The following IGFN1 variants were observed in gnomAD, a reference collection of about 807,000 sequenced individuals.
The protein encoded by IGFN1 is immunoglobulin-like and fibronectin type III domain-containing protein 1.
IGFN1 carries 253 observed loss-of-function variants against 289.5 expected under a neutral mutation model. That is an observed-to-expected ratio of 0.87 (90% confidence interval 0.79 to 0.97). IGFN1 has a LOEUF of 0.97. Among genes scored for constraint, IGFN1 ranks in the 50% least tolerant of loss-of-function variants. The probability of loss-of-function intolerance (pLI) is 0.00; values close to 1 mark genes in which losing one functional copy is unlikely to be tolerated. For missense variants in IGFN1, 4,470 were observed against 4,686.1 expected (o/e 0.95, Z 1.35); for synonymous variants, 1,706 against 1,788.5 (o/e 0.95, Z 1.16).
At position 201,211,675 on chromosome 1, in the gene IGFN1, G is replaced by T. The variant is rs541034562; in HGVS notation, c.6782G>T (p.Gly2261Val). The change falls in exon 12 of 24, where the codon GGT becomes GTT. Residue 2261 changes from glycine (G) to valine (V), a missense_variant. By Grantham distance (109) the Gly-to-Val change is moderately radical (BLOSUM62 -3). Coordinates refer to ENST00000335211, the MANE Select transcript of IGFN1 (RefSeq NM_001164586.2). Reference sequence around the variant, plus strand: ...GATTTGGGAGCTCCTGAGGAAATGGGTTCAGGCAGTTACACAGATTACAGG... The same window carrying T: ...GATTTGGGAGCTCCTGAGGAAATGGTTTCAGGCAGTTACACAGATTACAGG... The part of the protein sequence containing the change: ...RKDLGAPEEM[G>V]SGSYTDYRNG... 2.6e-6 allele frequency: 4 copies of T among 1,537,046 alleles called. No homozygotes were observed. Among genetic ancestry groups the T allele is most frequent in the Non-Finnish European group, 3.5e-6 (4 of 1,146,818 alleles).
rs1334211036 is a variant in IGFN1 at position 201,209,449 on chromosome 1, C to T, written c.4556C>T (p.Ser1519Phe). Residue 1519 changes from serine to phenylalanine, a missense_variant, in exon 12 of 24, where the codon TCT (serine) becomes TTT (phenylalanine). Transcript: ENST00000335211. ...SKAGYRGGLG[S>F]GEMGSVDKAG... ...GCAGGTTATAGGGGTGGCTTAGGTT[C>T]TGGGGAAATGGGGTCTGTGGATAAG... 1.3e-6 allele frequency: 2 copies of T among 1,531,706 alleles called. No individual in the cohort carries two copies. The highest frequency in any genetic ancestry group is 1.7e-6 in the Non-Finnish European group (2 of 1,145,452). The allele number at this position is 1,531,706 out of a possible 1,614,324, so 94.9% of individuals were successfully genotyped here.
rs1653752979 is a variant in IGFN1, at chr1:201,221,741, T to G, written c.10196T>G (p.Val3399Gly). The change falls in exon 19 of 24, where the codon GTT becomes GGT. Residue 3399 changes from valine to glycine, a missense_variant. Val to Gly is a moderately radical substitution (Grantham distance 109). Around this residue, in one of 8 missense-constraint regions of IGFN1, gnomAD observed 2,218 missense variants for 2,114.1 expected, o/e 1.05. Coordinates refer to ENST00000335211, the MANE Select transcript of IGFN1 (RefSeq NM_001164586.2). ...ALDTLVQAMP[V>G]TVCPKFLVDS... The stretch of plus-strand genomic sequence containing the variant: ...GACACATTAGTGCAAGCCATGCCTG[T>G]TACTGGTGAGTGCTGCCTCCTTCCC... 1 of 1,584,044 alleles carries G rather than the reference T, an allele frequency of 6.3e-7. No individual in the cohort carries two copies. The highest frequency in any genetic ancestry group is 8.6e-7 in the Non-Finnish European group (1 of 1,162,358).
chr1:201,195,333 A>G (rs1157346597), intron 3 of IGFN1, among the ~76,000 whole-genome samples: 1 of 151,800 alleles, frequency 6.6e-6, no homozygotes, highest in African/African-American at 2.4e-5. Flanking sequence ...TGTATTTTTA[A>G]TAGAGATGGG....
rs374520776 is a variant in IGFN1, at chr1:201,219,723, A to C, written c.9898+1065A>C. On this transcript the variant is annotated intron_variant, in intron 18 of 23. Transcript: ENST00000335211. ...TGCCCCACAGGGCCCAGCCCACTGC[A>C]GGTGTTCAGGCTGTTTGAATGAACC... Among the ~76,000 whole-genome samples, 8 of 152,354 alleles carry C rather than the reference A, an allele frequency of 5.3e-5. No individual in the cohort carries two copies. In the East Asian group the frequency reaches 1.5e-3, roughly 29 times the overall value.
Position 201,211,831 on chromosome 1 carries a change from A to G in IGFN1, c.6938A>G (p.Tyr2313Cys). The G allele has an allele frequency of 6.5e-7, 1 of 1,536,500 alleles. No individual in the cohort carries two copies. The highest frequency in any genetic ancestry group is 8.7e-7 in the Non-Finnish European group (1 of 1,146,574). The change falls in exon 12 of 24, where the codon TAC becomes TGC. Residue 2313 changes from tyrosine to cysteine, a missense_variant. By Grantham distance (194) the Tyr-to-Cys change is radical. Transcript: ENST00000335211. ...AGGGGTAGTTTGGAGGATTCTGGGT[A>G]CATTTTGTCATGGAATGAGGCAGGT... ...GSRGSLEDSGYILSWNEAGSR... is the reference protein window; with the variant it reads ...GSRGSLEDSGCILSWNEAGSR...
intron 13 of IGFN1, 58 bp downstream of exon 13, chr1:201,214,359 G>A: frequency 1.3e-6 from 2 of 1,524,996 alleles, no homozygotes; most frequent in African/African-American, 1.4e-5. Context: ...GTAAAGCAGA[G>A]AGGGGCAAGA....
intron 9 of IGFN1, 118 bp downstream of exon 9, chr1:201,201,950 T>C: frequency 1.6e-6 from 1 of 643,932 alleles, no homozygotes; most frequent in South Asian, 1.8e-5. Flanking sequence ...ACACAAGTGG[T>C]GAGCCCCTCA....
At position 201,228,488 on chromosome 1, in the gene IGFN1, G is replaced by T. The variant is rs1654261800; in HGVS notation, c.*89G>T. 1 of 1,384,092 alleles carries T rather than the reference G, an allele frequency of 7.2e-7. No homozygotes were observed. Among genetic ancestry groups the T allele is most frequent in the Non-Finnish European group, 1.0e-6 (1 of 970,352 alleles). The allele number at this position is 1,384,092 out of a possible 1,614,324, so 85.7% of individuals were successfully genotyped here. ...CGGGAAGCCAATCCCAAGGATGGAG[G>T]CTGTGCCCAGAGCCCCAGGAAAATG... On this transcript the variant is annotated 3_prime_UTR_variant, in exon 24 of 24. Coordinates refer to ENST00000335211, the MANE Select transcript of IGFN1 (RefSeq NM_001164586.2).
At position 201,212,496 on chromosome 1, in the gene IGFN1, G is replaced by A. The variant is rs1320815598; in HGVS notation, c.7603G>A (p.Glu2535Lys). The change falls in exon 12 of 24, where the codon GAA (glutamate) becomes AAA (lysine). Residue 2535 changes from glutamate to lysine, a missense_variant. Glu to Lys is a moderately conservative substitution (Grantham distance 56). Around this residue, in one of 8 missense-constraint regions of IGFN1, gnomAD observed 2,218 missense variants for 2,114.1 expected, o/e 1.05. Coordinates refer to ENST00000335211, the MANE Select transcript of IGFN1 (RefSeq NM_001164586.2). ...GTTTCTTGATGGCAAGGGGGCAGTG[G>A]AAGGTGAGACCTGGGCAGGAATGGC... ...SGFLDGKGAVEGETWAGMAAL... is the reference protein window; with the variant it reads ...SGFLDGKGAVKGETWAGMAAL... 1.3e-6 allele frequency: 2 copies of A among 1,542,878 alleles called. No homozygotes were observed. Among genetic ancestry groups the A allele is most frequent in the Non-Finnish European group, 8.7e-7 (1 of 1,146,852 alleles).
intron 3 of IGFN1, 145 bp from the exon 4 acceptor site, chr1:201,195,694 A>G: frequency 3.6e-6 from 3 of 842,062 alleles, no homozygotes; most frequent in Non-Finnish European, 5.3e-6. Context: ...GTCCTGAGTC[A>G]AGGGGACCAA....
At chr1:201,226,240 G>A in intron 22 of IGFN1, 117 bp downstream of exon 22, 1 of 1,193,366 alleles carries the variant, frequency 8.4e-7, no homozygotes, top group Non-Finnish European at 1.1e-6. Context: ...GGATGGCCTG[G>A]AGCATGCCAA....
intron 9 of IGFN1, among the ~76,000 whole-genome samples, chr1:201,202,087 C>A (rs1312998603): frequency 6.6e-6 from 1 of 152,128 alleles, no homozygotes; most frequent in East Asian, 1.9e-4. Context: ...TAAATTGTGT[C>A]TAACACCAGA....
chr1:201,221,746 G>A lies in IGFN1; in HGVS notation c.10201G>A (p.Val3401Ile), dbSNP rs1653753650. 8 of 1,578,246 alleles carry A rather than the reference G, an allele frequency of 5.1e-6. No individual in the cohort carries two copies. The highest frequency in any genetic ancestry group is 6.9e-6 in the Non-Finnish European group (8 of 1,159,270). The change falls in exon 19 of 24, where the codon GTC becomes ATC. Residue 3401 changes from valine to isoleucine, a missense_variant and splice_region_variant. By Grantham distance (29) the Val-to-Ile change is conservative (BLOSUM62 3). Around this residue, in one of 8 missense-constraint regions of IGFN1, gnomAD observed 2,218 missense variants for 2,114.1 expected, o/e 1.05. Coordinates refer to ENST00000335211, the MANE Select transcript of IGFN1 (RefSeq NM_001164586.2). ...DTLVQAMPVTVCPKFLVDSST... is the reference protein window; with the variant it reads ...DTLVQAMPVTICPKFLVDSST... ...ATTAGTGCAAGCCATGCCTGTTACTGGTGAGTGCTGCCTCCTTCCCCGACC... is the reference window on the plus strand; with the variant it reads ...ATTAGTGCAAGCCATGCCTGTTACTAGTGAGTGCTGCCTCCTTCCCCGACC...
In IGFN1 at chr1:201,211,344, G is replaced by T. The variant is rs779889245; in HGVS notation, c.6451G>T (p.Gly2151Ter). 4.0e-6 allele frequency: 6 copies of T among 1,491,474 alleles called. No homozygotes were observed. Among genetic ancestry groups the T allele is most frequent in the South Asian group, 2.5e-5 (2 of 80,530 alleles). 92.4% of individuals were successfully genotyped at this position (1,491,474 alleles called of 1,614,324 possible). A position where few individuals can be genotyped will look rare whatever the true frequency, so the allele number is the denominator to read the frequency against. ...GYRKDLGAPK[G>*]MGSESKAGFR... ...TAGGAAGGATTTGGGGGCTCCTAAGGGAATGGGTTCAGAGAGTAAGGCAGG... is the reference window on the plus strand; with the variant it reads ...TAGGAAGGATTTGGGGGCTCCTAAGTGAATGGGTTCAGAGAGTAAGGCAGG... The change falls in exon 12 of 24, where the codon GGA (glycine) becomes TGA (stop). Residue 2151 changes from glycine to a stop codon, truncating the protein, a stop_gained. Coordinates refer to ENST00000335211, the MANE Select transcript of IGFN1 (RefSeq NM_001164586.2). LOFTEE classifies it high-confidence loss of function.
chr1:201,199,040 G>T (rs6686078), intron 5 of IGFN1, among the ~76,000 whole-genome samples: 1 of 152,060 alleles, frequency 6.6e-6, no homozygotes, highest in Non-Finnish European at 1.5e-5. Context: ...TCTGCTTCAC[G>T]CATTTATGCC....
At chr1:201,205,542 CTACTGGGTCTCTTGGAAT>C (rs1426631807) in intron 11 of IGFN1, among the ~76,000 whole-genome samples, 188 bp downstream of exon 11, 1 of 152,196 alleles carries the variant, frequency 6.6e-6, no homozygotes, top group African/African-American at 2.4e-5. Flanking sequence ...TGTGCCTGCT[CTACTGGGTCTCTTGGAAT>C]TACTTTGGGG....
intron 23 of IGFN1, 145 bp from the exon 24 acceptor site, chr1:201,228,241 A>G: frequency 1.2e-6 from 1 of 824,796 alleles, no homozygotes; most frequent in South Asian, 1.5e-5. Context: ...CTTAGAGAGC[A>G]CGTGGTGGCT....
At chr1:201,196,110 C>T (rs947163864) in intron 4 of IGFN1, 132 bp downstream of exon 4, 9 of 917,740 alleles carry the variant, frequency 9.8e-6, no homozygotes, top group Non-Finnish European at 1.4e-5. Context: ...CATTCAACTC[C>T]ATCTCGTGAC....
rs953919023 is a variant in IGFN1, at chr1:201,217,447, C to A, written c.9756C>A (p.Asp3252Glu). 9.9e-6 allele frequency: 16 copies of A among 1,614,016 alleles called. No individual in the cohort carries two copies. Among genetic ancestry groups the A allele is most frequent in the African/African-American group, 6.7e-5 (5 of 74,936 alleles). ...KGSNTWTAVN[D>E]QPVPERRWTV... The stretch of plus-strand genomic sequence containing the variant: ...GCAACACCTGGACGGCAGTGAACGA[C>A]CAGCCGGTGCCTGGTGAGCATTGTC... Residue 3252 changes from aspartate to glutamate, a missense_variant, in exon 17 of 24, where the codon GAC becomes GAA. Asp to Glu is a conservative substitution (Grantham distance 45, BLOSUM62 2). Around this residue, in one of 8 missense-constraint regions of IGFN1, gnomAD observed 2,218 missense variants for 2,114.1 expected, o/e 1.05. Coordinates refer to ENST00000335211, the MANE Select transcript of IGFN1 (RefSeq NM_001164586.2).
Sources: allele counts gnomAD v4.1 joint callset (sites outside exome capture counted in the v4.1 genomes callset), GRCh38; gene constraint gnomAD v4.1.1; regional missense constraint gnomAD v4.1.1; transcripts MANE v1.5; gene names NCBI Gene and HGNC (gene_info 2026-07-23, HGNC 2026-07-21).